PLXNA3: variants seen among roughly 807,000 people sequenced by gnomAD.
PLXNA3 encodes plexin-A3.
Under a neutral mutation model 118.8 loss-of-function variants are expected in PLXNA3, and 52 were observed. The ratio of observed to expected loss-of-function variants is 0.44; its 90% CI spans 0.35 to 0.55. PLXNA3 has a LOEUF of 0.55. Ranked by LOEUF, PLXNA3 falls within the 20% of genes least tolerant of loss-of-function variation. The probability of loss-of-function intolerance (pLI) is 0.01; values close to 1 mark genes in which losing one functional copy is unlikely to be tolerated. For missense variants in PLXNA3, 1,660 were observed against 1,730.8 expected, an observed-to-expected ratio of 0.96 and a Z score of 0.73; for synonymous variants, 925 against 762.4, an observed-to-expected ratio of 1.21 and a Z score of -3.51.
At position 154,465,683 on chromosome X, in the gene PLXNA3, C is replaced by A. The variant is rs2069070095; in HGVS notation, c.2368C>A (p.Arg790=). The change falls in exon 13 of 33, where the codon CGG becomes AGG. Residue 790 remains arginine (R), a synonymous_variant. Transcript: ENST00000369682. The part of the protein sequence containing the change: ...RALLYKCWAQ[R]PSCGLCLKAD... The stretch of plus-strand genomic sequence containing the variant: ...CCTCCTGTACAAGTGCTGGGCGCAG[C>A]GGCCCAGCTGTGGCCTCTGCCTCAA... 2.5e-6 allele frequency: 3 copies of A among 1,208,224 alleles called. No individual in the cohort carries two copies. Among genetic ancestry groups the A allele is most frequent in the Non-Finnish European group, 3.4e-6 (3 of 893,136 alleles).
intron 1 of PLXNA3, 54 bp from the exon 2 acceptor site, chrX:154,460,103 G>A: frequency 2.9e-6 from 2 of 684,185 alleles, no homozygotes; most frequent in Non-Finnish European, 4.5e-6. Context: ...TGGGTGAATG[G>A]CCCAGCCCTC....
In PLXNA3 at chrX:154,460,556, C is replaced by G; in HGVS notation, c.373C>G (p.Leu125Val). ...GCAGGGCATCTGCCAGTTCCTGCGT[C>G]TGGACGACCTCTTCAAGCTGGGTGA... The part of the protein sequence containing the change: ...IWQGICQFLR[L>V]DDLFKLGEPH... The change falls in exon 2 of 33, where the codon CTG becomes GTG. Residue 125 changes from leucine (L) to valine (V), a missense_variant. Physicochemically the swap from Leu to Val is conservative, Grantham distance 32. This residue lies in a region of PLXNA3 where 791 missense variants were observed against 652.1 expected (regional missense o/e 1.21). Transcript: ENST00000369682. The G allele has an allele frequency of 3.3e-6, 4 of 1,209,859 alleles. No homozygotes were observed. Among genetic ancestry groups the G allele is most frequent in the Non-Finnish European group, 4.5e-6 (4 of 894,627 alleles).
Position 154,469,160 on chromosome X carries a change from T to A in PLXNA3, c.4539T>A (p.Thr1513=). The change falls in exon 26 of 33, where the codon ACT becomes ACA. Residue 1513 remains threonine (T), a synonymous_variant. Transcript: ENST00000369682. ...ITQAKDKLLD[T]VYKGIPYSQR... is the part of the protein sequence containing the mutation. ...AGGCCAAAGATAAGCTGCTGGACAC[T>A]GTGTACAAGGGCATTCCGTACTCCC... The A allele has an allele frequency of 8.3e-7, 1 of 1,211,316 alleles. No homozygotes were observed. The highest frequency in any genetic ancestry group is 2.2e-5 in the Admixed American group (1 of 46,138).
intron 30 of PLXNA3, 71 bp from the exon 31 acceptor site, chrX:154,471,034 A>G: frequency 1.2e-6 from 1 of 851,764 alleles, no homozygotes; most frequent in East Asian, 3.1e-5. Context: ...CAGGAAAGAG[A>G]TGTGCACATG....
Position 154,468,155 on chromosome X carries a change from C to A in PLXNA3, c.3894C>A (p.Asp1298Glu). The A allele has an allele frequency of 1.7e-6, 2 of 1,193,037 alleles. No individual in the cohort carries two copies. Among genetic ancestry groups the A allele is most frequent in the Non-Finnish European group, 2.3e-6 (2 of 884,986 alleles). ...ACGAGGTGCAGATCCCCTTCCTGGACTACCGGACTTACGCCGTGCGCGTGC... is the reference window on the plus strand; with the variant it reads ...ACGAGGTGCAGATCCCCTTCCTGGAATACCGGACTTACGCCGTGCGCGTGC... ...HMDEVQIPFL[D>E]YRTYAVRVLF... The change falls in exon 22 of 33, where the codon GAC becomes GAA. Residue 1298 changes from aspartate to glutamate, a missense_variant. Asp to Glu is a conservative substitution (Grantham distance 45). Transcript: ENST00000369682.
chrX:154,467,839 G>A lies in PLXNA3; in HGVS notation c.3658G>A (p.Ala1220Thr), dbSNP rs782224552. ...ISAERALTLP[A>T]MMGLAAGGGL... ...GGCAGAGCGGGCGCTGACCCTACCG[G>A]CCATGATGGGGCTGGCGGCGGGGGG... Residue 1220 changes from alanine (A) to threonine (T), a missense_variant, in exon 21 of 33, where the codon GCC becomes ACC. Physicochemically the swap from Ala to Thr is moderately conservative, Grantham distance 58. Coordinates refer to ENST00000369682, the MANE Select transcript of PLXNA3 (RefSeq NM_017514.5). The A allele has an allele frequency of 3.3e-6, 4 of 1,207,174 alleles. No homozygotes were observed. The highest frequency in any genetic ancestry group is 3.5e-5 in the African/African-American group (2 of 57,832).
At chrX:154,461,000 A>G (rs2068943906) in intron 2 of PLXNA3, 99 bp from the exon 3 acceptor site, 3 of 821,158 alleles carry the variant, frequency 3.7e-6, no homozygotes, top group Non-Finnish European at 5.2e-6. Flanking sequence ...GGCCTCTGTG[A>G]TCATCCAGGC....
At chrX:154,458,642 C>T (rs1409888183) in intron 1 of PLXNA3, among the ~76,000 whole-genome samples, 3 of 112,520 alleles carry the variant, frequency 2.7e-5, no homozygotes, top group Admixed American at 9.3e-5. Context: ...AGGGGAGCGG[C>T]CCCTCGGAGG....
rs201003572 is a variant in PLXNA3, at chrX:154,461,077, G to A, written c.595-22G>A. ...TTGGCACAGGGCCTCACCGGATGCT[G>A]TCTCCTCCCCCTGCTCCCCAGGTGT... On this transcript the variant is annotated intron_variant, in intron 2 of 32. Transcript: ENST00000369682. The A allele has an allele frequency of 3.4e-6, 4 of 1,172,053 alleles. No individual in the cohort carries two copies. The East Asian group carries it at 9.0e-5, about 26-fold the overall frequency.
chrX:154,466,102 C>G, intron 14 of PLXNA3, 22 bp downstream of exon 14: 2 of 1,209,219 alleles, frequency 1.7e-6, no homozygotes, highest in Non-Finnish European at 2.2e-6. Flanking sequence ...TCTGTGGGTG[C>G]CCGGGCCGTA....
intron 32 of PLXNA3, among the ~76,000 whole-genome samples, chrX:154,471,862 G>C (rs2069187967): frequency 8.9e-6 from 1 of 112,932 alleles, no homozygotes; most frequent in Non-Finnish European, 1.9e-5. Flanking sequence ...CTGGGCAAAA[G>C]TTAAAGGGCC....
rs782817783 is a variant in PLXNA3 at position 154,462,295 on chromosome X, C to T, written c.1302C>T (p.Ser434=). ...QHSVVFIGTR[S]GSLKKVRVDG... Reference sequence around the variant, plus strand: ...CTGTGGTCTTCATTGGCACGCGCAGCGGCAGCTTGAAGAAGGTGGCCCCCA... The same window carrying T: ...CTGTGGTCTTCATTGGCACGCGCAGTGGCAGCTTGAAGAAGGTGGCCCCCA... The change falls in exon 4 of 33, where the codon AGC becomes AGT. Residue 434 remains serine (S), a synonymous_variant. Transcript: ENST00000369682. The T allele has an allele frequency of 2.3e-5, 27 of 1,153,505 alleles. No homozygotes were observed. The highest frequency in any genetic ancestry group is 5.1e-4 in the Middle Eastern group (2 of 3,952).
In PLXNA3 at chrX:154,464,779, T is replaced by A. The variant is rs782120041; in HGVS notation, c.1954T>A (p.Tyr652Asn). The A allele has an allele frequency of 1.6e-5, 19 of 1,199,161 alleles. No homozygotes were observed. The highest frequency in any genetic ancestry group is 2.0e-5 in the Non-Finnish European group (18 of 888,151). ...QSCMSCVGSP[Y>N]PCHWCKYRHT... ...GTGCATGTCCTGTGTTGGCAGCCCTTACCCCTGCCACTGGTGTAAGTACCG... is the reference window on the plus strand; with the variant it reads ...GTGCATGTCCTGTGTTGGCAGCCCTAACCCCTGCCACTGGTGTAAGTACCG... The change falls in exon 10 of 33, where the codon TAC (tyrosine) becomes AAC (asparagine). Residue 652 changes from tyrosine to asparagine, a missense_variant. This residue lies in a region of PLXNA3 where 791 missense variants were observed against 652.1 expected (regional missense o/e 1.21). Transcript: ENST00000369682.
intron 2 of PLXNA3, 52 bp downstream of exon 2, chrX:154,460,829 C>G: frequency 1.1e-6 from 1 of 887,148 alleles, no homozygotes; most frequent in Non-Finnish European, 1.5e-6. Flanking sequence ...GCTCTGCCTC[C>G]CAGAAGAGCC....
rs1174760591 is a variant in PLXNA3, at chrX:154,476,114, C to T, written c.*3429C>T. 1.8e-5 allele frequency: 2 copies of T among 111,213 alleles called. No homozygotes were observed. Among genetic ancestry groups the T allele is most frequent in the Non-Finnish European group, 3.8e-5 (2 of 52,907 alleles). 9.2% of individuals were successfully genotyped at this position (111,213 alleles called of 1,213,427 possible). Reference sequence around the variant, plus strand: ...TGCAGTGAGCTGTGATTGTGCCAGCCTAGGTGACAGAGCCAGACCCTGTAT... The same window carrying T: ...TGCAGTGAGCTGTGATTGTGCCAGCTTAGGTGACAGAGCCAGACCCTGTAT... On this transcript the variant is annotated 3_prime_UTR_variant, in exon 33 of 33. Transcript: ENST00000369682.
Position 154,466,717 on chromosome X carries a change from T to C in PLXNA3, c.3031T>C (p.Ser1011Pro). The C allele has an allele frequency of 8.4e-7, 1 of 1,195,051 alleles. No homozygotes were observed. The highest frequency in any genetic ancestry group is 1.1e-6 in the Non-Finnish European group (1 of 887,171). ...ITLAIDRANI[S>P]SPGLIYTYTQ... The stretch of plus-strand genomic sequence containing the variant: ...ACTTGCCATTGACCGGGCTAACATC[T>C]CCAGCCCCGGGCTCATCTACACCTA... The change falls in exon 17 of 33, where the codon TCC (serine) becomes CCC (proline). Residue 1011 changes from serine to proline, a missense_variant. Coordinates refer to ENST00000369682, the MANE Select transcript of PLXNA3 (RefSeq NM_017514.5).
rs980950680 is a variant in PLXNA3, at chrX:154,476,740, T to C, written c.*4055T>C. On this transcript the variant is annotated 3_prime_UTR_variant, in exon 33 of 33. Coordinates refer to ENST00000369682, the MANE Select transcript of PLXNA3 (RefSeq NM_017514.5). Reference sequence around the variant, plus strand: ...GACAAAATATATGGAATGCAGAGTATTAAAAAACTGGCTGTGGGCCAGTGA... The same window carrying C: ...GACAAAATATATGGAATGCAGAGTACTAAAAAACTGGCTGTGGGCCAGTGA... The C allele has an allele frequency of 1.8e-5, 2 of 111,476 alleles. No individual in the cohort carries two copies. The highest frequency in any genetic ancestry group is 3.8e-5 in the Non-Finnish European group (2 of 53,086). 9.2% of individuals were successfully genotyped at this position (111,476 alleles called of 1,213,427 possible). A position where few individuals can be genotyped will look rare whatever the true frequency, so the allele number is the denominator to read the frequency against.
chrX:154,464,698 A>G, intron 9 of PLXNA3, 56 bp from the exon 10 acceptor site: 1 of 838,567 alleles, frequency 1.2e-6, no homozygotes. Context: ...CCTATTGGGG[A>G]GCAGTGAGGG....
rs2069150887 is a variant in PLXNA3 at position 154,469,635 on chromosome X, G to A, written c.4699-53G>A. The A allele has an allele frequency of 1.0e-5, 11 of 1,098,755 alleles. No homozygotes were observed. The East Asian group carries it at 1.5e-4, about 15-fold the overall frequency. The allele number at this position is 1,098,755 out of a possible 1,213,427, so 90.5% of individuals were successfully genotyped here. A position where few individuals can be genotyped will look rare whatever the true frequency, so the allele number is the denominator to read the frequency against. ...CTCCTGGGTGTGGGTGGGTGGGGGCGCCTTGGCTTCTCAGCTTCCTGCACT... is the reference window on the plus strand; with the variant it reads ...CTCCTGGGTGTGGGTGGGTGGGGGCACCTTGGCTTCTCAGCTTCCTGCACT... On this transcript the variant is annotated intron_variant, in intron 27 of 32. Transcript: ENST00000369682.
Sources: gnomAD v4.1 joint callset for allele counts (sites outside exome capture counted in the v4.1 genomes callset) on GRCh38, gnomAD v4.1.1 for gene constraint, gnomAD v4.1.1 regional missense constraint, MANE v1.5 for transcripts, NCBI Gene and HGNC (gene_info 2026-07-23, HGNC 2026-07-21) for gene names.